Variants in GRID2 observed in about 807,000 individuals in gnomAD.
GRID2 encodes glutamate ionotropic receptor delta type subunit 2.
Under a neutral mutation model 114.8 loss-of-function variants are expected in GRID2, and 33 were observed. That is an observed-to-expected ratio of 0.29 (90% CI 0.22 to 0.38). The LOEUF (loss-of-function observed/expected upper bound fraction) is 0.38, where lower values mean the gene tolerates loss of function less well. GRID2 is among the 10% of genes least tolerant of loss of function. GRID2 has a pLI of 1.00. For missense variants in GRID2, 1,184 were observed against 1,257.7 expected (o/e 0.94, Z 0.89); for synonymous variants, 505 against 449.9 (o/e 1.12, Z -1.55).
chr4:92,383,800 C>A (rs1195636337), intron 1 of GRID2, among the ~76,000 whole-genome samples: 1 of 151,880 alleles, frequency 6.6e-6, no homozygotes, highest in Non-Finnish European at 1.5e-5. Flanking sequence ...TCAGTTGGCT[C>A]CCAAATAATA....
chr4:93,771,856 T>A (rs561198947), intron 15 of GRID2, among the ~76,000 whole-genome samples: 80 of 152,310 alleles, frequency 5.3e-4, no homozygotes, highest in Non-Finnish European at 9.7e-4. Context: ...TTAAAACCTT[T>A]ACTGCAAGAA....
intron 14 of GRID2, among the ~76,000 whole-genome samples, chr4:93,693,266 G>A (rs1726722770): frequency 6.6e-6 from 1 of 152,146 alleles, no homozygotes; most frequent in African/African-American, 2.4e-5. Context: ...TTTAGAAACT[G>A]TATAAGTCAC....
chr4:93,677,982 G>A (rs1372403404), intron 14 of GRID2, among the ~76,000 whole-genome samples: 1 of 151,708 alleles, frequency 6.6e-6, no homozygotes, highest in African/African-American at 2.4e-5. Context: ...ACTACTCCGA[G>A]CTACAGGAGG....
chr4:92,954,526 G>A (rs536335544), intron 2 of GRID2, among the ~76,000 whole-genome samples: 36 of 151,604 alleles, frequency 2.4e-4, no homozygotes, highest in South Asian at 8.4e-4. Flanking sequence ...TCCCAGGTTC[G>A]CGCCATTCTC....
chr4:93,560,222 T>TAAAAGAAAAAAAA (rs1734772614), intron 13 of GRID2, among the ~76,000 whole-genome samples: 1 of 42,946 alleles, frequency 2.3e-5, no homozygotes, highest in African/African-American at 8.9e-5. Context: ...GAACTTAAAG[T>TAAAAGAAAAAAAA]AAAAAAAAAA....
chr4:92,652,766 A>T (rs1400223275), intron 2 of GRID2, among the ~76,000 whole-genome samples: 1 of 142,392 alleles, frequency 7.0e-6, no homozygotes, highest in Non-Finnish European at 1.5e-5. Flanking sequence ...TCACAAGATC[A>T]GGAGTTCAAG....
chr4:92,961,056 A>C (rs7660982), intron 2 of GRID2, among the ~76,000 whole-genome samples: 89,135 of 151,618 alleles, frequency 0.59, 27,928 homozygotes, highest in African/African-American at 0.79. Flanking sequence ...TAAAAATAAT[A>C]CTTAATATTT....
intron 14 of GRID2, among the ~76,000 whole-genome samples, chr4:93,689,294 C>A (rs145509801): frequency 6.6e-6 from 1 of 152,032 alleles, no homozygotes; most frequent in African/African-American, 2.4e-5. Context: ...ACATCTCTCC[C>A]ACTATTGTAG....
At chr4:93,206,663 T>C (rs1742832697) in intron 4 of GRID2, among the ~76,000 whole-genome samples, 1 of 151,622 alleles carries the variant, frequency 6.6e-6, no homozygotes, top group Non-Finnish European at 1.5e-5. Context: ...TTCTTTGGCC[T>C]AAGCCAAGAA....
chr4:92,834,601 C>T (rs984168190), intron 2 of GRID2, among the ~76,000 whole-genome samples: 4 of 152,064 alleles, frequency 2.6e-5, no homozygotes, highest in Admixed American at 6.6e-5. Context: ...CAGTTTATAC[C>T]CTCAAGCAGC....
At chr4:93,480,880 T>G (rs1725792700) in intron 11 of GRID2, among the ~76,000 whole-genome samples, 1 of 152,050 alleles carries the variant, frequency 6.6e-6, no homozygotes, top group African/African-American at 2.4e-5. Flanking sequence ...AACAGATTCA[T>G]TCCAACATTC....
intron 1 of GRID2, among the ~76,000 whole-genome samples, chr4:92,380,175 C>G (rs547170462): frequency 6.6e-6 from 1 of 151,486 alleles, no homozygotes; most frequent in African/African-American, 2.4e-5. Context: ...TCACTTAGCC[C>G]TTTGTTTTAG....
At chr4:93,437,608 T>G (rs1721219880) in intron 10 of GRID2, among the ~76,000 whole-genome samples, 1 of 152,126 alleles carries the variant, frequency 6.6e-6, no homozygotes, top group Non-Finnish European at 1.5e-5. Flanking sequence ...CTTCTCGAAA[T>G]TCACACTTCT....
chr4:93,646,202 T>C (rs1328651408), intron 14 of GRID2, among the ~76,000 whole-genome samples: 4 of 152,252 alleles, frequency 2.6e-5, no homozygotes, highest in Admixed American at 6.5e-5. Flanking sequence ...TAATTTTATA[T>C]TGGAAAATTT....
intron 10 of GRID2, among the ~76,000 whole-genome samples, chr4:93,440,640 G>A (rs1250161216): frequency 1.3e-5 from 2 of 152,072 alleles, no homozygotes; most frequent in Non-Finnish European, 2.9e-5. Context: ...AGTACAAGAG[G>A]AAAACATGGC....
intron 1 of GRID2, among the ~76,000 whole-genome samples, chr4:92,517,036 G>A (rs1724534093): frequency 6.6e-6 from 1 of 151,826 alleles, no homozygotes; most frequent in Admixed American, 6.6e-5. Flanking sequence ...ACATATCTGG[G>A]ATAGTTACAT....
At chr4:93,341,688 A>G (rs1759672359) in intron 8 of GRID2, among the ~76,000 whole-genome samples, 2 of 152,166 alleles carry the variant, frequency 1.3e-5, no homozygotes, top group Non-Finnish European at 2.9e-5. Flanking sequence ...TCAACATGAC[A>G]TGACATAAAG....
At chr4:93,303,996 A>G (rs1037158961) in intron 8 of GRID2, among the ~76,000 whole-genome samples, 2 of 151,904 alleles carry the variant, frequency 1.3e-5, no homozygotes, top group Admixed American at 1.3e-4. Context: ...CTCATTGCTT[A>G]TATTGCATTC....
chr4:93,664,328 G>T (rs1303765677), intron 14 of GRID2, among the ~76,000 whole-genome samples: 1 of 152,190 alleles, frequency 6.6e-6, no homozygotes, highest in Non-Finnish European at 1.5e-5. Context: ...ACAAAGTTTT[G>T]AGCAGAGAAA....
Sources: allele counts gnomAD v4.1 joint callset (sites outside exome capture counted in the v4.1 genomes callset), GRCh38; gene constraint gnomAD v4.1.1; transcripts MANE v1.5; gene names NCBI Gene and HGNC (gene_info 2026-07-23, HGNC 2026-07-21).